The following FAT3 variants were observed in gnomAD, a reference collection of about 807,000 sequenced individuals.
The protein encoded by FAT3 is protocadherin Fat 3.
A neutral mutation model predicts 310.2 loss-of-function variants in FAT3; 95 were observed. The observed-to-expected ratio is 0.31, with a 90% CI of 0.26 to 0.36. The LOEUF is 0.36. Among genes scored for constraint, FAT3 ranks in the 10% least tolerant of loss-of-function variants. FAT3 has a pLI of 1.00. For missense variants in FAT3, 5,408 were observed against 5,715.6 expected (o/e 0.95, Z 1.74); for synonymous variants, 2,314 against 2,192.9 (o/e 1.06, Z -1.54).
intron 3 of FAT3, among the ~76,000 whole-genome samples, chr11:92,545,069 A>T (rs1954572750): frequency 6.6e-6 from 1 of 151,196 alleles, no homozygotes; most frequent in Non-Finnish European, 1.5e-5. Context: ...CCTCTTGCTC[A>T]CTCCTCTTTG....
intron 3 of FAT3, among the ~76,000 whole-genome samples, chr11:92,663,399 A>G (rs1260236861): frequency 6.6e-6 from 1 of 152,178 alleles, no homozygotes; most frequent in East Asian, 1.9e-4. Flanking sequence ...GGAGATTACT[A>G]AGCAGAATCA....
chr11:92,367,977 A>G (rs577696194), intron 2 of FAT3, among the ~76,000 whole-genome samples: 103 of 152,362 alleles, frequency 6.8e-4, no homozygotes, highest in Middle Eastern at 3.4e-3. Context: ...AGTTAGAAGA[A>G]CAAAATTGTG....
At chr11:92,429,294 C>T (rs1403013582) in intron 2 of FAT3, among the ~76,000 whole-genome samples, 1 of 152,042 alleles carries the variant, frequency 6.6e-6, no homozygotes, top group Non-Finnish European at 1.5e-5. Context: ...AGATGGGTCT[C>T]CTGAATACAG....
intron 4 of FAT3, among the ~76,000 whole-genome samples, chr11:92,705,474 T>TG (rs1944263710): frequency 3.2e-5 from 2 of 63,318 alleles, no homozygotes; most frequent in South Asian, 1.1e-3. Context: ...GTGGTGGTGG[T>TG]GTGATAGTGG....
At chr11:92,614,399 A>T (rs1385055643) in intron 3 of FAT3, among the ~76,000 whole-genome samples, 1 of 152,136 alleles carries the variant, frequency 6.6e-6, no homozygotes, top group Non-Finnish European at 1.5e-5. Flanking sequence ...CAACATTTTT[A>T]TCAACACTTG....
At chr11:92,886,594 C>A (rs1234957545) in intron 24 of FAT3, among the ~76,000 whole-genome samples, 1 of 152,040 alleles carries the variant, frequency 6.6e-6, no homozygotes, top group Admixed American at 6.5e-5. Context: ...ATATTTATAC[C>A]CCATTTTAAA....
chr11:92,850,677 A>G (rs903388459), intron 19 of FAT3, among the ~76,000 whole-genome samples: 4 of 152,234 alleles, frequency 2.6e-5, no homozygotes, highest in African/African-American at 9.6e-5. Flanking sequence ...GGATTATTCA[A>G]TGTATGAGGC....
intron 3 of FAT3, among the ~76,000 whole-genome samples, chr11:92,526,375 A>G (rs1345661212): frequency 6.6e-6 from 1 of 152,200 alleles, no homozygotes; most frequent in Non-Finnish European, 1.5e-5. Context: ...CACAGTAAAG[A>G]AGTTGAGGCC....
chr11:92,297,695 G>A (rs78573610), intron 1 of FAT3, among the ~76,000 whole-genome samples: 18 of 152,152 alleles, frequency 1.2e-4, no homozygotes, highest in East Asian at 7.8e-4. Context: ...TGTGTTGCAC[G>A]GTTTCCAAGT....
intron 13 of FAT3, among the ~76,000 whole-genome samples, chr11:92,818,856 T>C (rs1021171714): frequency 2.0e-5 from 3 of 152,218 alleles, no homozygotes; most frequent in African/African-American, 7.2e-5. Context: ...CTCCTGCGCA[T>C]GTCCTGATTA....
chr11:92,716,925 A>C (rs955290759), intron 4 of FAT3, among the ~76,000 whole-genome samples: 1 of 152,200 alleles, frequency 6.6e-6, no homozygotes, highest in Admixed American at 6.5e-5. Context: ...ATATTGGTGG[A>C]AAGAGGCTGG....
intron 4 of FAT3, among the ~76,000 whole-genome samples, chr11:92,747,179 C>G (rs1945695992): frequency 6.6e-6 from 1 of 151,550 alleles, no homozygotes; most frequent in South Asian, 2.1e-4. Context: ...CTGCAGCAAA[C>G]TTCTGCCTGG....
intron 4 of FAT3, among the ~76,000 whole-genome samples, chr11:92,757,376 G>A (rs761567991): frequency 6.6e-6 from 1 of 152,170 alleles, no homozygotes; most frequent in Non-Finnish European, 1.5e-5. Flanking sequence ...TTGTGAGGCT[G>A]TAGCAGAGCG....
intron 3 of FAT3, among the ~76,000 whole-genome samples, chr11:92,597,194 A>G (rs1443149067): frequency 6.6e-6 from 1 of 152,250 alleles, no homozygotes; most frequent in African/African-American, 2.4e-5. Context: ...CTGTAGCTTA[A>G]CTGATATCCT....
intron 1 of FAT3, among the ~76,000 whole-genome samples, chr11:92,285,540 T>C (rs972569673): frequency 6.6e-6 from 1 of 152,160 alleles, no homozygotes; most frequent in African/African-American, 2.4e-5. Context: ...TACAACACTA[T>C]TGTAGCTCAT....
At chr11:92,370,258 T>A (rs1949147719) in intron 2 of FAT3, among the ~76,000 whole-genome samples, 2 of 152,216 alleles carry the variant, frequency 1.3e-5, no homozygotes, top group Admixed American at 1.3e-4. Context: ...ATTGGTTTGG[T>A]GGGATGTTTC....
chr11:92,758,045 G>A (rs989334038), intron 4 of FAT3, among the ~76,000 whole-genome samples: 4 of 152,140 alleles, frequency 2.6e-5, no homozygotes, highest in Non-Finnish European at 4.4e-5. Flanking sequence ...GCACTTGGGA[G>A]ATTATATGTT....
intron 4 of FAT3, among the ~76,000 whole-genome samples, chr11:92,707,570 T>C (rs1448208799): frequency 1.3e-5 from 2 of 152,158 alleles, no homozygotes; most frequent in Non-Finnish European, 2.9e-5. Flanking sequence ...GTTTCCTGCA[T>C]GGCTCTGAAC....
intron 3 of FAT3, among the ~76,000 whole-genome samples, chr11:92,647,614 G>A (rs1942213138): frequency 6.6e-6 from 1 of 152,096 alleles, no homozygotes; most frequent in African/African-American, 2.4e-5. Context: ...AGCATTGAGG[G>A]CTCAACATGA....
Sources: allele counts gnomAD v4.1 joint callset (sites outside exome capture counted in the v4.1 genomes callset), GRCh38; gene constraint gnomAD v4.1.1; transcripts MANE v1.5; gene names NCBI Gene and HGNC (gene_info 2026-07-23, HGNC 2026-07-21).